Variants in CHRNA7 observed in about 807,000 individuals in gnomAD.
The protein encoded by CHRNA7 is cholinergic receptor nicotinic alpha 7 subunit.
A neutral mutation model predicts 48.0 loss-of-function variants in CHRNA7; 17 were observed. That is an observed-to-expected ratio of 0.35 (90% CI 0.24 to 0.53). The LOEUF is 0.53. CHRNA7 is among the 20% of genes least tolerant of loss of function. CHRNA7 has a pLI of 0.92. For synonymous variants in CHRNA7, 75 were observed against 242.3 expected, an observed-to-expected ratio of 0.31 and a Z score of 6.41; for missense variants, 155 against 577.7, an observed-to-expected ratio of 0.27 and a Z score of 7.50.
At chr15:32,110,490 C>T (rs1264669249) in intron 3 of CHRNA7, among the ~76,000 whole-genome samples, 2 of 152,228 alleles carry the variant, frequency 1.3e-5, no homozygotes, top group African/African-American at 4.8e-5. Flanking sequence ...ATGTCACTCA[C>T]CTGGATAGTT....
At chr15:32,158,289 C>CG in intron 6 of CHRNA7, 123 bp from the exon 7 acceptor site, 1 of 522,138 alleles carries the variant, frequency 1.9e-6, no homozygotes, top group Non-Finnish European at 2.7e-6. Flanking sequence ...CAACCCCCCC[C>CG]TTTTTTTTTT....
chr15:32,103,759 T>C (rs567393883), intron 3 of CHRNA7, among the ~76,000 whole-genome samples: 3 of 152,280 alleles, frequency 2.0e-5, no homozygotes, highest in African/African-American at 7.2e-5. Context: ...CCGTGGGTCA[T>C]TCTCACTCTT....
At chr15:32,050,801 T>C (rs1459352233) in intron 2 of CHRNA7, among the ~76,000 whole-genome samples, 2 of 152,158 alleles carry the variant, frequency 1.3e-5, no homozygotes, top group Non-Finnish European at 2.9e-5. Flanking sequence ...TCTTTGATGA[T>C]GGTGATGCAC....
At chr15:32,141,742 G>A (rs2051383160) in intron 4 of CHRNA7, among the ~76,000 whole-genome samples, 1 of 152,134 alleles carries the variant, frequency 6.6e-6, no homozygotes, top group South Asian at 2.1e-4. Context: ...TTGGTGTATA[G>A]GAATGCTTGT....
At chr15:32,060,835 C>T (rs185173654) in intron 2 of CHRNA7, among the ~76,000 whole-genome samples, 85 of 152,266 alleles carry the variant, frequency 5.6e-4, no homozygotes, top group Non-Finnish European at 9.4e-4. Flanking sequence ...AAACCATCTG[C>T]GGCGGGAGGG....
chr15:32,042,380 G>A (rs2049464900), intron 2 of CHRNA7, among the ~76,000 whole-genome samples: 1 of 152,110 alleles, frequency 6.6e-6, no homozygotes, highest in Non-Finnish European at 1.5e-5. Context: ...CCTGATGGCA[G>A]GCCTTATTAA....
At chr15:32,114,493 A>G (rs937447154) in intron 4 of CHRNA7, among the ~76,000 whole-genome samples, 1 of 152,118 alleles carries the variant, frequency 6.6e-6, no homozygotes, top group Non-Finnish European at 1.5e-5. Flanking sequence ...CCTCTTTCCC[A>G]TGGTGGACAT....
Position 32,149,753 on chromosome 15 carries a change from C to A in CHRNA7, c.351-4154C>A, listed in dbSNP as rs2051581824. 6.6e-6 allele frequency among the ~76,000 whole-genome samples: 1 copy of A among 152,070 alleles called. No individual in the cohort carries two copies. The highest frequency in any genetic ancestry group is 1.5e-5 in the Non-Finnish European group (1 of 68,014). ...CACTGAGTCACAAATCACTGAGTCA[C>A]AGGTAAGCTGTTGCTAATAGCAACA... On this transcript the variant is annotated intron_variant, in intron 4 of 9. Transcript: ENST00000306901. This position sits in a 1 kb window ranked among gnomAD's most constrained non-coding sequence, Gnocchi z 4.6.
intron 2 of CHRNA7, among the ~76,000 whole-genome samples, chr15:32,071,687 T>C (rs968781979): frequency 1.3e-5 from 2 of 152,086 alleles, no homozygotes; most frequent in Non-Finnish European, 2.9e-5. Flanking sequence ...CCTCTCTCTC[T>C]TGCTCCCTCT....
chr15:32,121,313 C>T (rs926374263), intron 4 of CHRNA7, among the ~76,000 whole-genome samples: 2 of 152,168 alleles, frequency 1.3e-5, no homozygotes, highest in South Asian at 2.1e-4. Flanking sequence ...TCACTGCCCT[C>T]GAGGCATGTG....
intron 3 of CHRNA7, 82 bp downstream of exon 3, chr15:32,101,429 G>A: frequency 6.9e-7 from 1 of 1,440,146 alleles, no homozygotes; most frequent in Non-Finnish European, 9.4e-7. Flanking sequence ...TGAGATGCTT[G>A]CTTCTGAGAG....
intron 2 of CHRNA7, among the ~76,000 whole-genome samples, chr15:32,053,830 T>C (rs148209175): frequency 1.7e-3 from 263 of 152,316 alleles, no homozygotes; most frequent in African/African-American, 6.3e-3. Flanking sequence ...AAGGCCTGGA[T>C]GTGTGGCTGA....
Position 32,158,613 on chromosome 15 carries a change from G to GGGATTCTGAGT in CHRNA7, c.793+7_793+8insGGATTCTGAGT. The GGGATTCTGAGT allele has an allele frequency of 6.4e-7, 1 of 1,555,436 alleles. No homozygotes were observed. Among genetic ancestry groups the GGGATTCTGAGT allele is most frequent in the East Asian group, 2.3e-5 (1 of 42,924 alleles). On this transcript the variant is annotated splice_region_variant and intron_variant, in intron 7 of 9. Coordinates refer to ENST00000306901, the MANE Select transcript of CHRNA7 (RefSeq NM_000746.6). Reference sequence around the variant, plus strand: ...GGGGAGAAGATTTCCCTGGGTAAGCGCCCCAGTGTCTGGCGGGAGTCTGAG... The same window carrying GGGATTCTGAGT: ...GGGGAGAAGATTTCCCTGGGTAAGCGGGATTCTGAGTCCCCAGTGTCTGGCGGGAGTCTGAG...
intron 2 of CHRNA7, among the ~76,000 whole-genome samples, chr15:32,041,714 T>C (rs988507634): frequency 2.0e-5 from 3 of 152,274 alleles, no homozygotes; most frequent in African/African-American, 7.2e-5. Flanking sequence ...TTCTCTTTGC[T>C]TTTCAGTTTT....
chr15:32,137,566 A>G (rs969406633), intron 4 of CHRNA7, among the ~76,000 whole-genome samples: 3 of 152,124 alleles, frequency 2.0e-5, no homozygotes, highest in South Asian at 2.1e-4. Context: ...TAACAAGGGG[A>G]AAAAAAATGT....
chr15:32,067,036 G>A (rs1433856011), intron 2 of CHRNA7, among the ~76,000 whole-genome samples: 1 of 152,146 alleles, frequency 6.6e-6, no homozygotes, highest in Admixed American at 6.5e-5. Flanking sequence ...AGAAACCTGT[G>A]AGAAAACAAT....
intron 3 of CHRNA7, chr15:32,102,974 A>G (rs1040386087): frequency 6.6e-6 from 1 of 152,208 alleles, no homozygotes; most frequent in Non-Finnish European, 1.5e-5. Context: ...TTTGCCACCC[A>G]ATTTGTAAGG....
intron 2 of CHRNA7, among the ~76,000 whole-genome samples, chr15:32,038,109 AAT>A (rs776619105): frequency 1.3e-4 from 19 of 144,796 alleles, no homozygotes; most frequent in Non-Finnish European, 2.1e-4. Context: ...GTATATGTAA[AAT>A]ATGTGTACAT....
In CHRNA7 at chr15:32,135,300, T is replaced by C. The variant is rs965439530; in HGVS notation, c.351-18607T>C. Among the ~76,000 whole-genome samples, 7 of 152,290 alleles carry C rather than the reference T, an allele frequency of 4.6e-5. No individual in the cohort carries two copies. In the South Asian group the frequency reaches 1.2e-3, roughly 27 times the overall value. On this transcript the variant is annotated intron_variant, in intron 4 of 9. Transcript: ENST00000306901. ...TATGGCTCACATACAGATATAAAAA[T>C]GAGCATGTTGAAGAATCTATTTGAC... is the stretch of plus-strand genomic sequence containing the variant.
Sources: allele counts gnomAD v4.1 joint callset (sites outside exome capture counted in the v4.1 genomes callset), GRCh38; gene constraint gnomAD v4.1.1; non-coding constraint Gnocchi (gnomAD v3.1); transcripts MANE v1.5; gene names NCBI Gene and HGNC (gene_info 2026-07-23, HGNC 2026-07-21).